Variants in SH3GL2 observed in about 807,000 individuals in gnomAD.
The protein encoded by SH3GL2 is endophilin-A1.
In SH3GL2, 24 loss-of-function variants were observed where a neutral mutation model predicts 46.0. That is an observed-to-expected ratio of 0.52 (90% confidence interval 0.38 to 0.73). The LOEUF is 0.73. Ranked by LOEUF, SH3GL2 falls within the 30% of genes least tolerant of loss-of-function variation. The pLI is 0.00. For synonymous variants in SH3GL2, 196 were observed against 147.1 expected, an observed-to-expected ratio of 1.33 and a Z score of -2.40; for missense variants, 413 against 424.2, an observed-to-expected ratio of 0.97 and a Z score of 0.23.
intron 1 of SH3GL2, among the ~76,000 whole-genome samples, chr9:17,690,578 A>G (rs1821051112): frequency 1.3e-5 from 2 of 152,144 alleles, no homozygotes; most frequent in South Asian, 4.1e-4. Flanking sequence ...TCCTGTGGCC[A>G]GCTAAGCCCA....
chr9:17,744,887 G>T (rs564279119), intron 1 of SH3GL2, among the ~76,000 whole-genome samples: 1 of 152,286 alleles, frequency 6.6e-6, no homozygotes, highest in Non-Finnish European at 1.5e-5. Context: ...CACAAGTTAA[G>T]TGAGAGGGCT....
At chr9:17,787,230 TG>T in intron 4 of SH3GL2, 149 bp from the exon 5 acceptor site, 1 of 617,824 alleles carries the variant, frequency 1.6e-6, no homozygotes, top group Non-Finnish European at 2.9e-6. Flanking sequence ...GTCTGTTGCC[TG>T]GAGTGAACTG....
chr9:17,716,972 A>C (rs971743062), intron 1 of SH3GL2, among the ~76,000 whole-genome samples: 4 of 152,130 alleles, frequency 2.6e-5, no homozygotes, highest in Non-Finnish European at 1.5e-5. Flanking sequence ...GGTTGGTTTC[A>C]GGCAGGAGGT....
At chr9:17,652,597 C>A (rs966811027) in intron 1 of SH3GL2, among the ~76,000 whole-genome samples, 1 of 152,004 alleles carries the variant, frequency 6.6e-6, no homozygotes, top group Admixed American at 6.6e-5. Context: ...TGTCTTAATA[C>A]TATATATTAT....
chr9:17,782,709 A>G (rs1823845120), intron 3 of SH3GL2, among the ~76,000 whole-genome samples: 1 of 152,150 alleles, frequency 6.6e-6, no homozygotes, highest in Non-Finnish European at 1.5e-5. Context: ...ACTTCTGAAC[A>G]GGAAAGCTTT....
intron 2 of SH3GL2, among the ~76,000 whole-genome samples, chr9:17,756,839 C>T (rs1563841474): frequency 6.6e-6 from 1 of 151,882 alleles, no homozygotes; most frequent in African/African-American, 2.4e-5. Context: ...GGGTATATAC[C>T]CAGTAATGGG....
chr9:17,667,794 C>G (rs917603671), intron 1 of SH3GL2, among the ~76,000 whole-genome samples: 1 of 152,170 alleles, frequency 6.6e-6, no homozygotes, highest in African/African-American at 2.4e-5. Context: ...GTTTCCATTT[C>G]TCCACATCTC....
intron 3 of SH3GL2, among the ~76,000 whole-genome samples, chr9:17,769,658 A>G (rs1472242237): frequency 6.6e-6 from 1 of 151,962 alleles, no homozygotes; most frequent in Non-Finnish European, 1.5e-5. Flanking sequence ...CCCGACCCCT[A>G]TTGAAAATAG....
chr9:17,786,287 T>C, intron 3 of SH3GL2, 94 bp from the exon 4 acceptor site: 2 of 1,185,030 alleles, frequency 1.7e-6, no homozygotes, highest in East Asian at 4.8e-5. Context: ...CTGAGCTACT[T>C]TGTAGGCTGC....
intron 1 of SH3GL2, among the ~76,000 whole-genome samples, chr9:17,701,652 T>C (rs1353292722): frequency 6.6e-6 from 1 of 152,144 alleles, no homozygotes; most frequent in African/African-American, 2.4e-5. Flanking sequence ...ATAGCCTACA[T>C]AGATGCGAAC....
At chr9:17,593,540 A>G (rs373562467) in intron 1 of SH3GL2, among the ~76,000 whole-genome samples, 88 of 152,276 alleles carry the variant, frequency 5.8e-4, no homozygotes, top group African/African-American at 2.0e-3. Flanking sequence ...TTTTTTTCCT[A>G]CATCCTTACA....
intron 1 of SH3GL2, among the ~76,000 whole-genome samples, chr9:17,661,285 G>T (rs1820206505): frequency 6.6e-6 from 1 of 152,152 alleles, no homozygotes; most frequent in Non-Finnish European, 1.5e-5. Context: ...GCTATGGGGG[G>T]CAGGGATATC....
chr9:17,673,318 ATTT>A (rs35240605), intron 1 of SH3GL2, among the ~76,000 whole-genome samples: 1 of 141,052 alleles, frequency 7.1e-6, no homozygotes, highest in Non-Finnish European at 1.5e-5. Context: ...CTAGTTTTTA[ATTT>A]TTTTTTTTTT....
intron 7 of SH3GL2, among the ~76,000 whole-genome samples, chr9:17,792,066 C>T (rs905852502): frequency 9.2e-5 from 14 of 152,168 alleles, no homozygotes; most frequent in African/African-American, 3.1e-4. Flanking sequence ...CTCAAAGGGT[C>T]ACCTCAGCAA....
At chr9:17,673,740 C>T (rs1402097988) in intron 1 of SH3GL2, among the ~76,000 whole-genome samples, 3 of 152,342 alleles carry the variant, frequency 2.0e-5, no homozygotes, top group Middle Eastern at 3.4e-3. Flanking sequence ...ATGCTTCACA[C>T]ACCCTCACCT....
rs985656368 is a variant in SH3GL2 at position 17,746,478 on chromosome 9, A to C, written c.46-588A>C. On this transcript the variant is annotated intron_variant, in intron 1 of 8. Transcript: ENST00000380607. ...CATAATGGAAAATGATCAAGTAGCA[A>C]AGAAATGCCTTCAACAGCTTTCTAT... Among the ~76,000 whole-genome samples the C allele has an allele frequency of 2.0e-5, 3 of 152,362 alleles. 1 individual carries two copies. The highest frequency in any genetic ancestry group is 6.5e-5 in the Admixed American group (1 of 15,308).
At chr9:17,764,672 C>T (rs1347214507) in intron 3 of SH3GL2, among the ~76,000 whole-genome samples, 2 of 137,456 alleles carry the variant, frequency 1.5e-5, no homozygotes, top group Non-Finnish European at 3.2e-5. Context: ...TTACTGCTCC[C>T]GGGTGCTTGC....
intron 6 of SH3GL2, chr9:17,790,463 C>T (rs1824094540): frequency 1.0e-6 from 1 of 973,922 alleles, no homozygotes; most frequent in African/African-American, 1.8e-5. Context: ...CACCTGGAGA[C>T]AGTGTAGGTT....
chr9:17,770,975 G>C (rs1435804426), intron 3 of SH3GL2, among the ~76,000 whole-genome samples: 1 of 152,180 alleles, frequency 6.6e-6, no homozygotes, highest in Non-Finnish European at 1.5e-5. Context: ...CTGAGCATAG[G>C]ACTCAATTTA....
Sources: allele counts gnomAD v4.1 joint callset (sites outside exome capture counted in the v4.1 genomes callset), GRCh38; gene constraint gnomAD v4.1.1; transcripts MANE v1.5; gene names NCBI Gene and HGNC (gene_info 2026-07-23, HGNC 2026-07-21).